SHISA9: variants seen among roughly 807,000 people sequenced by gnomAD.
SHISA9 encodes protein shisa-9.
A neutral mutation model predicts 38.0 loss-of-function variants in SHISA9; 13 were observed. The ratio of observed to expected loss-of-function variants is 0.34; its 90% CI spans 0.22 to 0.54. SHISA9 has a LOEUF of 0.54. Ranked by LOEUF, SHISA9 falls within the 20% of genes least tolerant of loss-of-function variation. SHISA9 has a pLI of 0.91. For synonymous variants in SHISA9, 275 were observed against 242.0 expected (o/e 1.14, Z -1.27); for missense variants, 538 against 575.8 (o/e 0.93, Z 0.67).
the SHISA9 span, among the ~76,000 whole-genome samples, chr16:13,317,969 C>A: frequency 6.7e-6 from 1 of 149,148 alleles, no homozygotes; most frequent in African/African-American, 2.5e-5. Context: ...ATAAATGGAT[C>A]ATTTCCATAG....
intron 2 of SHISA9, among the ~76,000 whole-genome samples, chr16:13,112,296 G>C (rs1413533370): frequency 1.3e-5 from 2 of 151,380 alleles, no homozygotes. Context: ...GCAGGGAGGA[G>C]AGAAGGGAAA....
At chr16:12,967,554 TATA>T (rs1005085663) in intron 2 of SHISA9, among the ~76,000 whole-genome samples, 5 of 151,562 alleles carry the variant, frequency 3.3e-5, no homozygotes, top group South Asian at 4.2e-4. Context: ...AAACTTAAAG[TATA>T]ATAATAATAA....
At chr16:13,063,287 T>C (rs554035723) in intron 2 of SHISA9, among the ~76,000 whole-genome samples, 41 of 152,286 alleles carry the variant, frequency 2.7e-4, no homozygotes, top group South Asian at 1.7e-3. Flanking sequence ...ATTACAGGTG[T>C]GAGCCACTGC....
the SHISA9 span, among the ~76,000 whole-genome samples, chr16:13,391,501 A>G: frequency 6.6e-6 from 1 of 152,160 alleles, no homozygotes; most frequent in Non-Finnish European, 1.5e-5. Flanking sequence ...TCCCCAACGA[A>G]TCTATGCCGT....
chr16:12,906,095 T>C (rs1312113657), intron 1 of SHISA9, among the ~76,000 whole-genome samples: 2 of 152,158 alleles, frequency 1.3e-5, no homozygotes, highest in Non-Finnish European at 2.9e-5. Flanking sequence ...CTTGCCAAGC[T>C]TGGCATCAGA....
chr16:13,098,570 C>G (rs1466157043), intron 2 of SHISA9, among the ~76,000 whole-genome samples: 1 of 152,170 alleles, frequency 6.6e-6, no homozygotes, highest in South Asian at 2.1e-4. Flanking sequence ...GAGCCACTTT[C>G]AGGCTACAAT....
the SHISA9 span, among the ~76,000 whole-genome samples, chr16:13,555,607 C>G: frequency 6.6e-6 from 1 of 152,162 alleles, no homozygotes; most frequent in Non-Finnish European, 1.5e-5. Flanking sequence ...ATAACATGGA[C>G]TGCCTGGGGA....
intron 2 of SHISA9, among the ~76,000 whole-genome samples, chr16:12,926,081 A>T (rs1414692012): frequency 6.6e-6 from 1 of 152,126 alleles, no homozygotes; most frequent in East Asian, 1.9e-4. Flanking sequence ...TATTGCACTC[A>T]CATATTGTAG....
chr16:13,232,751 T>C (rs2819683), intron 4 of SHISA9, among the ~76,000 whole-genome samples: 27,102 of 152,132 alleles, frequency 0.18, 2,714 homozygotes, highest in Admixed American at 0.31. Flanking sequence ...TGGTTGACAA[T>C]TGGTTGAGTC....
intron 2 of SHISA9, among the ~76,000 whole-genome samples, chr16:13,118,414 A>G (rs191783167): frequency 1.3e-5 from 2 of 152,316 alleles, no homozygotes; most frequent in Non-Finnish European, 2.9e-5. Flanking sequence ...ACATTTTATT[A>G]GAGAAATCAA....
chr16:13,180,687 G>C (rs2050769809), intron 2 of SHISA9, among the ~76,000 whole-genome samples: 1 of 152,124 alleles, frequency 6.6e-6, no homozygotes, highest in African/African-American at 2.4e-5. Flanking sequence ...GACAGAGTGA[G>C]ACCCTGTCTC....
rs2072413516 is a variant in SHISA9, at chr16:12,993,348, T to C, written c.691+76533T>C. 3.9e-5 allele frequency among the ~76,000 whole-genome samples: 6 copies of C among 152,180 alleles called. No individual in the cohort carries two copies. In the South Asian group the frequency reaches 1.2e-3, roughly 32 times the overall value. ...CCAGCAACATAACACAGTAGTTAAT[T>C]GCATGGACTCTGGAAGTAGATACAA... is the stretch of plus-strand genomic sequence containing the variant. On this transcript the variant is annotated intron_variant, in intron 2 of 4. Coordinates refer to ENST00000558583, the MANE Select transcript of SHISA9 (RefSeq NM_001145204.3).
chr16:13,074,060 C>T (rs551212506), intron 2 of SHISA9, among the ~76,000 whole-genome samples: 2 of 150,836 alleles, frequency 1.3e-5, no homozygotes, highest in South Asian at 2.1e-4. Context: ...ACCTCTACCT[C>T]CCAGGTTCAA....
At chr16:13,140,142 TCCCC>T (rs2141995410) in intron 2 of SHISA9, among the ~76,000 whole-genome samples, 11 of 12,820 alleles carry the variant, frequency 8.6e-4, no homozygotes, top group African/African-American at 1.4e-3. Flanking sequence ...TTCCCTTCCC[TCCCC>T]TCCCCTCCCC....
At chr16:13,514,399 C>T in the SHISA9 span, among the ~76,000 whole-genome samples, 1 of 151,868 alleles carries the variant, frequency 6.6e-6, no homozygotes, top group Non-Finnish European at 1.5e-5. Context: ...TCAAACCAGA[C>T]TCAGAAATGA....
chr16:13,488,954 T>C, the SHISA9 span, among the ~76,000 whole-genome samples: 1 of 152,110 alleles, frequency 6.6e-6, no homozygotes, highest in African/African-American at 2.4e-5. Flanking sequence ...TTTGTATTTT[T>C]ACTAGAGACG....
At chr16:13,157,128 C>G (rs376029708) in intron 2 of SHISA9, among the ~76,000 whole-genome samples, 1 of 152,158 alleles carries the variant, frequency 6.6e-6, no homozygotes, top group South Asian at 2.1e-4. Context: ...CTTCTTCTTA[C>G]GTGTTTATTC....
chr16:13,243,769 GTTT>G (rs34605909), downstream of SHISA9, among the ~76,000 whole-genome samples: 1 of 89,820 alleles, frequency 1.1e-5, no homozygotes, highest in African/African-American at 3.9e-5. Context: ...TTACAGCAGC[GTTT>G]TTTTTTTTTT....
chr16:13,471,185 A>G, the SHISA9 span, among the ~76,000 whole-genome samples: 2 of 152,084 alleles, frequency 1.3e-5, no homozygotes, highest in African/African-American at 2.4e-5. Context: ...CAGCTGATGG[A>G]GAGAAAACAC....
Sources: allele counts gnomAD v4.1 joint callset (sites outside exome capture counted in the v4.1 genomes callset), GRCh38; gene constraint gnomAD v4.1.1; transcripts MANE v1.5; gene names NCBI Gene and HGNC (gene_info 2026-07-23, HGNC 2026-07-21).